The following REEP4 variants were observed in gnomAD, a reference collection of about 807,000 sequenced individuals.
The protein encoded by REEP4 is receptor expression-enhancing protein 4.
Under a neutral mutation model 33.5 loss-of-function variants are expected in REEP4, and 17 were observed. The ratio of observed to expected loss-of-function variants is 0.51; its 90% CI spans 0.35 to 0.76. The LOEUF (loss-of-function observed/expected upper bound fraction) is 0.76. Among genes scored for constraint, REEP4 ranks in the 30% least tolerant of loss-of-function variants. The probability of loss-of-function intolerance (pLI) is 0.01; values close to 1 mark genes in which losing one functional copy is unlikely to be tolerated. For missense variants in REEP4, 340 were observed against 357.9 expected, an observed-to-expected ratio of 0.95 and a Z score of 0.40; for synonymous variants, 157 against 142.9, an observed-to-expected ratio of 1.10 and a Z score of -0.70.
In REEP4 at chr8:22,139,540, A is replaced by G; in HGVS notation, c.304-11T>C. 6.3e-7 allele frequency: 1 copy of G among 1,593,212 alleles called. No individual in the cohort carries two copies. Among genetic ancestry groups the G allele is most frequent in the South Asian group, 1.1e-5 (1 of 90,026 alleles). On this transcript the variant is annotated splice_polypyrimidine_tract_variant and intron_variant, in intron 4 of 7. Transcript: ENST00000306306. The stretch of plus-strand genomic sequence containing the variant: ...GTACGCGTCGATCTCCTGTGGACCC[A>G]ATGGGGAGGAGAGCTCAGGTGGACA...
At chr8:22,139,702 T>A in intron 4 of REEP4, 173 bp from the exon 5 acceptor site, 3 of 675,834 alleles carry the variant, frequency 4.4e-6, no homozygotes, top group Non-Finnish European at 7.4e-6. Flanking sequence ...TGCCACCCGC[T>A]CACACCTCCA....
At chr8:22,139,900 G>A in intron 4 of REEP4, 63 bp downstream of exon 4, 1 of 1,543,424 alleles carries the variant, frequency 6.5e-7, no homozygotes, top group Non-Finnish European at 8.8e-7. Flanking sequence ...CTAAATCCCA[G>A]GTCCAGGGCT....
In REEP4 at chr8:22,141,682, G is replaced by A. The variant is rs911523628; in HGVS notation, c.-200C>T. On this transcript the variant is annotated 5_prime_UTR_variant, in exon 1 of 8. Coordinates refer to ENST00000306306, the MANE Select transcript of REEP4 (RefSeq NM_025232.4). ...GACCTGGAGAATGGGGAGACCCGAG[G>A]CAAAGCGGCCCCGGCGGGGAGGAAG... 2 of 453,670 alleles carry A rather than the reference G, an allele frequency of 4.4e-6. No homozygotes were observed. Among genetic ancestry groups the A allele is most frequent in the Admixed American group, 8.7e-5 (2 of 22,860 alleles). 28.1% of individuals were successfully genotyped at this position (453,670 alleles called of 1,614,324 possible). A position where few individuals can be genotyped will look rare whatever the true frequency, so the allele number is the denominator to read the frequency against.
rs138825742 is a variant in REEP4, at chr8:22,138,023, C to A, written c.*464G>T. On this transcript the variant is annotated 3_prime_UTR_variant, in exon 8 of 8. Transcript: ENST00000306306. ...AGTAAGAATCAGGAGAAACAGAGCC[C>A]CTTTATGTATTTATTTATCAAAACA... 1,067 of 390,504 alleles carry A rather than the reference C, an allele frequency of 2.7e-3. 13 individuals carry two copies. The highest frequency in any genetic ancestry group is 8.0e-3 in the Middle Eastern group (10 of 1,256). 24.2% of individuals were successfully genotyped at this position (390,504 alleles called of 1,614,324 possible). A position where few individuals can be genotyped will look rare whatever the true frequency, so the allele number is the denominator to read the frequency against.
intron 2 of REEP4, 81 bp downstream of exon 2, chr8:22,140,544 C>T: frequency 8.1e-7 from 1 of 1,233,872 alleles, no homozygotes; most frequent in East Asian, 2.3e-5. Context: ...CACAGCCTTG[C>T]CCCTGGAGGA....
chr8:22,139,118 C>G (rs756698694), intron 5 of REEP4, 57 bp from the exon 6 acceptor site: 17 of 1,551,792 alleles, frequency 1.1e-5, no homozygotes, highest in Non-Finnish European at 1.2e-5. Flanking sequence ...GGCCAACCAG[C>G]TAATCACCGG....
At chr8:22,138,885 C>G in intron 6 of REEP4, 41 bp downstream of exon 6, 1 of 1,548,528 alleles carries the variant, frequency 6.5e-7, no homozygotes, top group Non-Finnish European at 8.7e-7. Flanking sequence ...TGAAGGAAGC[C>G]ATCCCTCCTG....
At position 22,140,128 on chromosome 8, in the gene REEP4, G is replaced by A. The variant is rs760895796; in HGVS notation, c.182+44C>T. 3 of 1,614,154 alleles carry A rather than the reference G, an allele frequency of 1.9e-6. 1 individual carries two copies. In the South Asian group the frequency reaches 3.3e-5, roughly 18 times the overall value. ...AGGGTGAGCCAAGGAGCAGGGCTGG[G>A]GGGGCCACCCCTGACCCATGGCTTG... On this transcript the variant is annotated intron_variant, in intron 3 of 7. Transcript: ENST00000306306.
chr8:22,139,818 G>T, intron 4 of REEP4, 145 bp downstream of exon 4: 1 of 986,088 alleles, frequency 1.0e-6, no homozygotes, highest in Non-Finnish European at 1.5e-6. Context: ...AGATGAGGTA[G>T]GCTGGGCCCT....
chr8:22,141,597 G>C lies in REEP4; in HGVS notation c.-115C>G. 1 of 1,126,070 alleles carries C rather than the reference G, an allele frequency of 8.9e-7. No individual in the cohort carries two copies. The highest frequency in any genetic ancestry group is 1.2e-6 in the Non-Finnish European group (1 of 801,856). 69.8% of individuals were successfully genotyped at this position (1,126,070 alleles called of 1,614,324 possible). ...GTTGCGGGAAGCAGAGGGGCGATCC[G>C]GCTGTCCCTCGGCGGAGGCAGAGCC... On this transcript the variant is annotated 5_prime_UTR_variant, in exon 1 of 8. Coordinates refer to ENST00000306306, the MANE Select transcript of REEP4 (RefSeq NM_025232.4).
Position 22,138,781 on chromosome 8 carries a change from C to A in REEP4, c.566G>T (p.Gly189Val). Reference sequence around the variant, plus strand: ...CTCGGTGTCGCTGTCCTGCAGGCCCCCGGCCCGGTACCCTGTGTGGAGGAG... The same window carrying A: ...CTCGGTGTCGCTGTCCTGCAGGCCCACGGCCCGGTACCCTGTGTGGAGGAG... The part of the protein sequence containing the change: ...HRRPPIGYRA[G>V]GLQDSDTEDE... The change falls in exon 7 of 8, where the codon GGG becomes GTG. Residue 189 changes from glycine (G) to valine (V), a missense_variant. By Grantham distance (109) the Gly-to-Val change is moderately radical. Transcript: ENST00000306306. 6.2e-7 allele frequency: 1 copy of A among 1,605,132 alleles called. No individual in the cohort carries two copies. The highest frequency in any genetic ancestry group is 1.3e-5 in the African/African-American group (1 of 74,302).
intron 5 of REEP4, 102 bp from the exon 6 acceptor site, chr8:22,139,163 C>A: frequency 1.4e-6 from 2 of 1,466,370 alleles, no homozygotes; most frequent in Non-Finnish European, 1.8e-6. Context: ...GCTCAGCAAG[C>A]TTCTGGCCCC....
At position 22,139,026 on chromosome 8, in the gene REEP4, G is replaced by A; in HGVS notation, c.453C>T (p.Phe151=). ...QGALAGRLRS[F]SMQDLRSISD... is the part of the protein sequence containing the mutation. ...AGATGGAGCGCAGGTCCTGCATGGA[G>A]AAGCTCCGCAGCCTGCCGGCCAGCG... Residue 151 remains phenylalanine (F), a synonymous_variant, in exon 6 of 8, where the codon TTC becomes TTT. Coordinates refer to ENST00000306306, the MANE Select transcript of REEP4 (RefSeq NM_025232.4). 3 of 1,596,172 alleles carry A rather than the reference G, an allele frequency of 1.9e-6. No homozygotes were observed. The highest frequency in any genetic ancestry group is 1.7e-5 in the Admixed American group (1 of 57,366).
chr8:22,139,663 G>A (rs751971390), intron 4 of REEP4, 134 bp from the exon 5 acceptor site: 2 of 769,498 alleles, frequency 2.6e-6, no homozygotes, highest in African/African-American at 1.8e-5. Flanking sequence ...CCACAAATCC[G>A]GGCCACAAAC....
Position 22,139,014 on chromosome 8 carries a change from G to A in REEP4, c.465C>T (p.Asp155=). ...AGRLRSFSMQ[D]LRSISDAPAP... ...CAGGTGCGTCAGAGATGGAGCGCAG[G>A]TCCTGCATGGAGAAGCTCCGCAGCC... Residue 155 remains aspartate (D), a synonymous_variant, in exon 6 of 8, where the codon GAC becomes GAT. Transcript: ENST00000306306. The A allele has an allele frequency of 1.2e-6, 2 of 1,603,620 alleles. No homozygotes were observed. The highest frequency in any genetic ancestry group is 1.7e-6 in the Non-Finnish European group (2 of 1,175,532).
Position 22,140,050 on chromosome 8 carries a change from G to C in REEP4, c.216C>G (p.Phe72Leu), listed in dbSNP as rs369238696. 4 of 1,613,062 alleles carry C rather than the reference G, an allele frequency of 2.5e-6. No homozygotes were observed. In the African/African-American group the frequency reaches 5.3e-5, roughly 22 times the overall value. The change falls in exon 4 of 8, where the codon TTC (phenylalanine) becomes TTG (leucine). Residue 72 changes from phenylalanine (F) to leucine (L), a missense_variant. Transcript: ENST00000306306. ...TGTAGGGTGAGAGCAGCCACAGCAC[G>C]AAGGCCATCTTGATCTCATAGTAGA... ...FPFYYEIKMAFVLWLLSPYTK... is the reference protein window; with the variant it reads ...FPFYYEIKMALVLWLLSPYTK...
chr8:22,141,402 G>A, intron 1 of REEP4, 49 bp downstream of exon 1: 1 of 1,587,282 alleles, frequency 6.3e-7, no homozygotes, highest in Non-Finnish European at 8.6e-7. Flanking sequence ...CACCACAGGG[G>A]CGGGACGGCA....
At position 22,138,359 on chromosome 8, in the gene REEP4, A is replaced by T. The variant is rs1254293548; in HGVS notation, c.*128T>A. ...CATCTGCTCCCGGCCCTTAACCATC[A>T]GCAGGAGTCAGGAGGGTGGGGCCCA... On this transcript the variant is annotated 3_prime_UTR_variant, in exon 8 of 8. Transcript: ENST00000306306. The T allele has an allele frequency of 2.8e-6, 3 of 1,087,424 alleles. No homozygotes were observed. Among genetic ancestry groups the T allele is most frequent in the Non-Finnish European group, 1.4e-6 (1 of 726,512 alleles). The allele number at this position is 1,087,424 out of a possible 1,614,324, so 67.4% of individuals were successfully genotyped here.
chr8:22,140,770 C>T, intron 1 of REEP4, 73 bp from the exon 2 acceptor site: 1 of 1,335,902 alleles, frequency 7.5e-7, no homozygotes, highest in Non-Finnish European at 1.1e-6. Flanking sequence ...CCATTTCCCC[C>T]CACTGGGGTG....
Sources: gnomAD v4.1 joint callset for allele counts on GRCh38, gnomAD v4.1.1 for gene constraint, MANE v1.5 for transcripts, NCBI Gene and HGNC (gene_info 2026-07-23, HGNC 2026-07-21) for gene names.